AGAP1: variants seen among roughly 807,000 people sequenced by gnomAD.
AGAP1 encodes arf-GAP with GTPase, ANK repeat and PH domain-containing protein 1.
Under a neutral mutation model 105.3 loss-of-function variants are expected in AGAP1, and 29 were observed. That is an observed-to-expected ratio of 0.28 (90% CI 0.21 to 0.38). The LOEUF is 0.38. Ranked by LOEUF, AGAP1 falls within the 10% of genes least tolerant of loss-of-function variation. The probability of loss-of-function intolerance (pLI) is 1.00; values close to 1 mark genes in which losing one functional copy is unlikely to be tolerated. For synonymous variants in AGAP1, 509 were observed against 485.9 expected, an observed-to-expected ratio of 1.05 and a Z score of -0.63; for missense variants, 998 against 1,165.1, an observed-to-expected ratio of 0.86 and a Z score of 2.09.
intron 1 of AGAP1, among the ~76,000 whole-genome samples, chr2:235,632,256 G>A (rs1186681257): frequency 6.6e-6 from 1 of 152,192 alleles, no homozygotes. Context: ...CACCACCAGA[G>A]CAGTGTTCGC....
chr2:235,758,521 C>T (rs915764947), intron 6 of AGAP1, among the ~76,000 whole-genome samples: 1 of 152,164 alleles, frequency 6.6e-6, no homozygotes, highest in African/African-American at 2.4e-5. Context: ...TACACCCTCA[C>T]CCCCTCCACA....
chr2:235,739,990 A>G lies in AGAP1; in HGVS notation c.311-973A>G, dbSNP rs375189916. 1.5e-4 allele frequency among the ~76,000 whole-genome samples: 23 copies of G among 152,242 alleles called. No individual in the cohort carries two copies. The East Asian group carries it at 4.1e-3, about 27-fold the overall frequency. On this transcript the variant is annotated intron_variant, in intron 3 of 17. Transcript: ENST00000304032. This position sits in a 1 kb window ranked among gnomAD's most constrained non-coding sequence, Gnocchi z 5.3. ...TTTCTGGACGGCATCTGCACAGAGGAGCGGAAGACAAGAGCTGGGAACCGA... is the reference window on the plus strand; with the variant it reads ...TTTCTGGACGGCATCTGCACAGAGGGGCGGAAGACAAGAGCTGGGAACCGA...
intron 1 of AGAP1, among the ~76,000 whole-genome samples, chr2:235,629,199 G>A (rs561889987): frequency 1.1e-4 from 16 of 151,372 alleles, no homozygotes; most frequent in Admixed American, 2.0e-4. Flanking sequence ...CAGAATAATC[G>A]TCTCCAATCT....
chr2:235,587,338 G>T (rs1377557949), intron 1 of AGAP1, among the ~76,000 whole-genome samples: 1 of 152,188 alleles, frequency 6.6e-6, no homozygotes, highest in African/African-American at 2.4e-5. Flanking sequence ...TGTCTTTTCA[G>T]TTGCGCATCC....
chr2:235,585,273 C>T (rs1265049941), intron 1 of AGAP1, among the ~76,000 whole-genome samples: 1 of 152,144 alleles, frequency 6.6e-6, no homozygotes, highest in African/African-American at 2.4e-5. Flanking sequence ...ACTCGATTTC[C>T]TTGCTTTTTC....
In AGAP1 at chr2:236,002,990, G is replaced by A. The variant is rs2056187111; in HGVS notation, c.1646-33571G>A. Among the ~76,000 whole-genome samples the A allele has an allele frequency of 6.6e-6, 1 of 152,002 alleles. No individual in the cohort carries two copies. Among genetic ancestry groups the A allele is most frequent in the South Asian group, 2.1e-4 (1 of 4,812 alleles). On this transcript the variant is annotated intron_variant, in intron 13 of 17. Transcript: ENST00000304032. This position sits in a 1 kb window ranked among gnomAD's most constrained non-coding sequence, Gnocchi z 4.3. ...CTTTTGTTTTGCTCACCGAGAAAAAGAAGACTCGGGAACCACAGAACTAAC... is the reference window on the plus strand; with the variant it reads ...CTTTTGTTTTGCTCACCGAGAAAAAAAAGACTCGGGAACCACAGAACTAAC...
At position 235,968,607 on chromosome 2, in the gene AGAP1, G is replaced by A. The variant is rs751920845; in HGVS notation, c.1629G>A (p.Leu543=). The A allele has an allele frequency of 4.4e-6, 7 of 1,608,818 alleles. No individual in the cohort carries two copies. Among genetic ancestry groups the A allele is most frequent in the Non-Finnish European group, 3.4e-6 (4 of 1,178,646 alleles). The change falls in exon 13 of 18, where the codon CTG becomes CTA. Residue 543 remains leucine (L), a synonymous_variant. Coordinates refer to ENST00000304032, the MANE Select transcript of AGAP1 (RefSeq NM_001037131.3). Reference sequence around the variant, plus strand: ...CTAGCAACTTCAAAGCCGACGGCCTGTCCGGCACTGCTGAAGGTAAGGGTT... The same window carrying A: ...CTAGCAACTTCAAAGCCGACGGCCTATCCGGCACTGCTGAAGGTAAGGGTT... ...KSTSNFKADG[L]SGTAEEQEEN...
intron 1 of AGAP1, among the ~76,000 whole-genome samples, chr2:235,519,743 C>T (rs1198437588): frequency 6.6e-6 from 1 of 152,122 alleles, no homozygotes; most frequent in African/African-American, 2.4e-5. Flanking sequence ...GTAATTAGTT[C>T]ATCCTGTATA....
At chr2:236,097,770 A>G (rs1196587782) in intron 16 of AGAP1, among the ~76,000 whole-genome samples, 8 of 152,200 alleles carry the variant, frequency 5.3e-5, no homozygotes. Flanking sequence ...ATCCATCTCC[A>G]GAACTTTTCC....
At chr2:235,637,963 G>T (rs11684283) in intron 1 of AGAP1, among the ~76,000 whole-genome samples, 3,565 of 152,214 alleles carry the variant, frequency 0.023, 133 homozygotes, top group African/African-American at 0.079. Context: ...AGTGGATTGG[G>T]TGATGCCCTC....
chr2:235,871,319 A>G (rs941888553), intron 9 of AGAP1, among the ~76,000 whole-genome samples: 4 of 151,868 alleles, frequency 2.6e-5, no homozygotes, highest in African/African-American at 7.3e-5. Flanking sequence ...TCCCGTATTT[A>G]ACAGAGCCAG....
At position 235,750,554 on chromosome 2, in the gene AGAP1, G is replaced by C; in HGVS notation, c.673+66G>C. The C allele has an allele frequency of 6.2e-7, 1 of 1,604,880 alleles. No homozygotes were observed. The highest frequency in any genetic ancestry group is 8.5e-7 in the Non-Finnish European group (1 of 1,173,016). ...AGACGGGAGGCACTTCAAGAAGTCA[G>C]TCCTGCCTGCACTTGTGCATGTGGG... On this transcript the variant is annotated intron_variant, in intron 6 of 17. Coordinates refer to ENST00000304032, the MANE Select transcript of AGAP1 (RefSeq NM_001037131.3). The surrounding 1 kb of genome is among the most constrained non-coding windows in gnomAD (Gnocchi z 5.3).
At position 235,953,095 on chromosome 2, in the gene AGAP1, A is replaced by C. The variant is rs1031914763; in HGVS notation, c.1484-15367A>C. On this transcript the variant is annotated intron_variant, in intron 12 of 17. Coordinates refer to ENST00000304032, the MANE Select transcript of AGAP1 (RefSeq NM_001037131.3). The surrounding 1 kb of genome is among the most constrained non-coding windows in gnomAD (Gnocchi z 5.2). ...GACTGGGACATGCCACCCACCTCCA[A>C]TAAAGGCTTGGGAGTCGCAAGGATC... Among the ~76,000 whole-genome samples the C allele has an allele frequency of 1.3e-5, 2 of 152,200 alleles. No homozygotes were observed. The highest frequency in any genetic ancestry group is 2.9e-5 in the Non-Finnish European group (2 of 68,028).
At position 236,061,759 on chromosome 2, in the gene AGAP1, A is replaced by C. The variant is rs772555476; in HGVS notation, c.2114+12478A>C. On this transcript the variant is annotated intron_variant, in intron 16 of 17. Transcript: ENST00000304032. The surrounding 1 kb of genome is among the most constrained non-coding windows in gnomAD (Gnocchi z 4.1). The stretch of plus-strand genomic sequence containing the variant: ...TGAGTACGAAACTTCTTTTGGAGAC[A>C]ACGAAAATGATCTGGATTTACATAG... Among the ~76,000 whole-genome samples the C allele has an allele frequency of 4.3e-4, 65 of 152,062 alleles. No individual in the cohort carries two copies. The highest frequency in any genetic ancestry group is 8.1e-4 in the Non-Finnish European group (55 of 68,006).
chr2:235,707,790 G>T (rs770960670), intron 1 of AGAP1, among the ~76,000 whole-genome samples: 1 of 150,838 alleles, frequency 6.6e-6, no homozygotes, highest in Non-Finnish European at 1.5e-5. Context: ...CCTCCCCAGC[G>T]TGTGACCTGG....
chr2:235,592,410 CAGTGAGCAGGATGGTGAAGGAGCTT>C (rs1023002523), intron 1 of AGAP1, among the ~76,000 whole-genome samples: 4 of 151,776 alleles, frequency 2.6e-5, no homozygotes, highest in African/African-American at 9.7e-5. Context: ...TTCTGGGGGG[CAGTGAGCAGGATGGTGAAGGAGCTT>C]AGAACCACGA....
Position 235,620,895 on chromosome 2 carries a change from G to T in AGAP1, c.164-88284G>T, listed in dbSNP as rs1946456491. 6.6e-6 allele frequency among the ~76,000 whole-genome samples: 1 copy of T among 152,218 alleles called. No individual in the cohort carries two copies. The highest frequency in any genetic ancestry group is 2.1e-4 in the South Asian group (1 of 4,826). On this transcript the variant is annotated intron_variant, in intron 1 of 17. Coordinates refer to ENST00000304032, the MANE Select transcript of AGAP1 (RefSeq NM_001037131.3). This position sits in a 1 kb window ranked among gnomAD's most constrained non-coding sequence, Gnocchi z 4.5. ...GCCCTACAGCTTTTATTGGTGACAAGTTCTTGACTCCCCATCACCTCTGAT... is the reference window on the plus strand; with the variant it reads ...GCCCTACAGCTTTTATTGGTGACAATTTCTTGACTCCCCATCACCTCTGAT...
At chr2:235,826,679 C>T (rs1959089838) in intron 9 of AGAP1, among the ~76,000 whole-genome samples, 1 of 152,060 alleles carries the variant, frequency 6.6e-6, no homozygotes, top group Non-Finnish European at 1.5e-5. Flanking sequence ...CGAACTCCTA[C>T]CACCCGCCTC....
intron 16 of AGAP1, among the ~76,000 whole-genome samples, chr2:236,107,791 C>T (rs1290253378): frequency 1.3e-5 from 2 of 152,216 alleles, no homozygotes; most frequent in Non-Finnish European, 2.9e-5. Flanking sequence ...CGCCTGGGGC[C>T]TGCACCTGCC....
Sources: allele counts gnomAD v4.1 joint callset (sites outside exome capture counted in the v4.1 genomes callset), GRCh38; gene constraint gnomAD v4.1.1; non-coding constraint Gnocchi (gnomAD v3.1); transcripts MANE v1.5; gene names NCBI Gene and HGNC (gene_info 2026-07-23, HGNC 2026-07-21).